Variants in SPINK9 observed in about 807,000 individuals in gnomAD.
The protein encoded by SPINK9 is serine protease inhibitor Kazal-type 9.
SPINK9 carries 3 observed loss-of-function variants against 10.8 expected under a neutral mutation model. The observed-to-expected ratio is 0.28, with a 90% CI of 0.13 to 0.72. The LOEUF is 0.72. Among genes scored for constraint, SPINK9 ranks in the 30% least tolerant of loss-of-function variants. The probability of loss-of-function intolerance (pLI) is 0.74; values close to 1 mark genes in which losing one functional copy is unlikely to be tolerated. For missense variants in SPINK9, 101 were observed against 103.2 expected, an observed-to-expected ratio of 0.98 and a Z score of 0.09; for synonymous variants, 30 against 31.2, an observed-to-expected ratio of 0.96 and a Z score of 0.12.
At chr5:148,326,607 G>A (rs529901515) in intron 2 of SPINK9, among the ~76,000 whole-genome samples, 1 of 152,202 alleles carries the variant, frequency 6.6e-6, no homozygotes, top group African/African-American at 2.4e-5. Context: ...TTGGTGTGCT[G>A]CACCCATTAA....
At chr5:148,329,350 T>C (rs1262888436) in intron 2 of SPINK9, among the ~76,000 whole-genome samples, 1 of 152,216 alleles carries the variant, frequency 6.6e-6, no homozygotes, top group East Asian at 1.9e-4. Flanking sequence ...TTGGTGGTGA[T>C]ATCCCCTTTG....
intron 2 of SPINK9, among the ~76,000 whole-genome samples, chr5:148,326,038 G>A (rs1757055151): frequency 6.6e-6 from 1 of 152,018 alleles, no homozygotes; most frequent in South Asian, 2.1e-4. Context: ...AATATACAAG[G>A]AACTCAAACA....
chr5:148,321,823 G>C (rs1757003257), intron 1 of SPINK9, among the ~76,000 whole-genome samples: 1 of 152,244 alleles, frequency 6.6e-6, no homozygotes, highest in African/African-American at 2.4e-5. Context: ...GCAGGAAATA[G>C]TTTGCAGTAA....
chr5:148,327,331 C>A (rs1206809127), intron 2 of SPINK9, among the ~76,000 whole-genome samples: 1 of 152,094 alleles, frequency 6.6e-6, no homozygotes, highest in Non-Finnish European at 1.5e-5. Flanking sequence ...ATGTTCATAT[C>A]CCTTGCCCAC....
rs372779576 is a variant in SPINK9 at position 148,335,689 on chromosome 5, T to C, written c.55+21T>C. ...GTTCAGTGAGTATCTCTGATAATACTGCCCCTGCCCTTGTACTAATAGCTC... is the reference window on the plus strand; with the variant it reads ...GTTCAGTGAGTATCTCTGATAATACCGCCCCTGCCCTTGTACTAATAGCTC... On this transcript the variant is annotated intron_variant, in intron 1 of 3. Transcript: ENST00000377906. The C allele has an allele frequency of 5.0e-6, 8 of 1,612,364 alleles. No individual in the cohort carries two copies. The African/African-American group carries it at 1.1e-4, about 22-fold the overall frequency.
upstream of SPINK9, among the ~76,000 whole-genome samples, chr5:148,332,208 G>A (rs1757160763): frequency 6.6e-6 from 1 of 152,200 alleles, no homozygotes; most frequent in South Asian, 2.1e-4. Flanking sequence ...TCCTATGAAG[G>A]AGGTCAGCCT....
intron 2 of SPINK9, among the ~76,000 whole-genome samples, chr5:148,337,703 C>T (rs905211626): frequency 2.0e-5 from 3 of 152,088 alleles, no homozygotes; most frequent in Admixed American, 6.6e-5. Context: ...ATATTTTTTA[C>T]TTCCACCCTA....
chr5:148,334,597 G>A (rs553115408), upstream of SPINK9, among the ~76,000 whole-genome samples: 1 of 152,000 alleles, frequency 6.6e-6, no homozygotes, highest in Non-Finnish European at 1.5e-5. Context: ...TGTAATCCCA[G>A]CTACTTGGGA....
At position 148,336,046 on chromosome 5, in the gene SPINK9, T is replaced by C. The variant is rs905546054; in HGVS notation, c.56-376T>C. On this transcript the variant is annotated intron_variant, in intron 1 of 3. Transcript: ENST00000377906. ...TGAGTTAAAATTGGCCTCCCTAGAA[T>C]TTTCAACCACTGTTCCAACATCTGT... Among the ~76,000 whole-genome samples, 80 of 152,206 alleles carry C rather than the reference T, an allele frequency of 5.3e-4. 2 individuals are homozygous for C. The highest frequency in any genetic ancestry group is 1.5e-4 in the Non-Finnish European group (10 of 68,034).
intron 2 of SPINK9, among the ~76,000 whole-genome samples, chr5:148,329,345 G>T (rs1757114788): frequency 6.6e-6 from 1 of 152,054 alleles, no homozygotes; most frequent in African/African-American, 2.4e-5. Flanking sequence ...TGGGATTGGT[G>T]GTGATATCCC....
At chr5:148,330,025 T>C (rs1265988942) in intron 2 of SPINK9, among the ~76,000 whole-genome samples, 3 of 152,246 alleles carry the variant, frequency 2.0e-5, no homozygotes, top group Non-Finnish European at 4.4e-5. Context: ...TTAGGTCTGC[T>C]TGGTGCAGAG....
chr5:148,326,259 G>A (rs1414359726), intron 2 of SPINK9, among the ~76,000 whole-genome samples: 1 of 152,190 alleles, frequency 6.6e-6, no homozygotes, highest in Non-Finnish European at 1.5e-5. Flanking sequence ...GTGTTGGTGA[G>A]AATGTGAGAA....
upstream of SPINK9, among the ~76,000 whole-genome samples, chr5:148,330,667 T>C (rs1200640047): frequency 1.3e-5 from 2 of 152,226 alleles, no homozygotes; most frequent in East Asian, 1.9e-4. Context: ...CCATGTTTAG[T>C]GCTTCCTTCA....
rs184886762 is a variant in SPINK9 at position 148,327,084 on chromosome 5, G to A, written c.118+3216G>A. On this transcript the variant is annotated intron_variant, in intron 2 of 4. Coordinates refer to the SPINK9 transcript ENST00000511717. ...TCTAGTTCTAGATCCCCGAGGAATC[G>A]CCACACTGTCTCCCACAATGGTTGA... Among the ~76,000 whole-genome samples the A allele has an allele frequency of 3.1e-4, 47 of 152,200 alleles. 1 individual carries two copies. The highest frequency in any genetic ancestry group is 9.6e-4 in the African/African-American group (40 of 41,512).
chr5:148,332,487 G>A (rs1157416468), upstream of SPINK9, among the ~76,000 whole-genome samples: 2 of 152,166 alleles, frequency 1.3e-5, no homozygotes, highest in African/African-American at 4.8e-5. Context: ...TAGGATCTGT[G>A]CTAGATGAGC....
upstream of SPINK9, among the ~76,000 whole-genome samples, chr5:148,331,075 G>C (rs934118021): frequency 6.6e-6 from 1 of 152,164 alleles, no homozygotes; most frequent in Non-Finnish European, 1.5e-5. Context: ...GCTCACGCAC[G>C]GTGCGCTGCA....
At chr5:148,335,139 T>G (rs1024585034), upstream of SPINK9, among the ~76,000 whole-genome samples, 1 of 152,230 alleles carries the variant, frequency 6.6e-6, no homozygotes, top group Admixed American at 6.5e-5. Context: ...CAGAGTTTTC[T>G]CATAGTCACT....
chr5:148,330,035 G>A lies in SPINK9; in HGVS notation c.118+6167G>A, dbSNP rs1581187082. Among the ~76,000 whole-genome samples the A allele has an allele frequency of 3.9e-5, 6 of 152,160 alleles. No individual in the cohort carries two copies. In the South Asian group the frequency reaches 1.0e-3, roughly 26 times the overall value. ...GTCTATTAGGTCTGCTTGGTGCAGA[G>A]CTGAGTTCAATTCCTGGATATCTTT... is the stretch of plus-strand genomic sequence containing the variant. On this transcript the variant is annotated intron_variant, in intron 2 of 4. Transcript: ENST00000511717.
intron 2 of SPINK9, among the ~76,000 whole-genome samples, chr5:148,330,528 G>C (rs1481444476): frequency 6.6e-6 from 1 of 152,192 alleles, no homozygotes; most frequent in African/African-American, 2.4e-5. Context: ...ATTGTTATGT[G>C]TGAATTTGAT....
Sources: allele counts gnomAD v4.1 joint callset (sites outside exome capture counted in the v4.1 genomes callset), GRCh38; gene constraint gnomAD v4.1.1; transcripts MANE v1.5; gene names NCBI Gene and HGNC (gene_info 2026-07-23, HGNC 2026-07-21).